The following SDK1 variants were observed in gnomAD, a reference collection of about 807,000 sequenced individuals.
The protein encoded by SDK1 is protein sidekick-1.
In SDK1, 157 loss-of-function variants were observed where a neutral mutation model predicts 245.5. The ratio of observed to expected loss-of-function variants is 0.64; its 90% CI spans 0.56 to 0.73. The LOEUF is 0.73. Among genes scored for constraint, SDK1 ranks in the 30% least tolerant of loss-of-function variants. The pLI, the probability that SDK1 is intolerant of heterozygous loss-of-function variation, is 0.00. For missense variants in SDK1, 3,583 were observed against 3,002.3 expected (o/e 1.19, Z -4.52); for synonymous variants, 1,647 against 1,278.5 (o/e 1.29, Z -6.15).
intron 32 of SDK1, among the ~76,000 whole-genome samples, chr7:4,170,277 T>C (rs1338654172): frequency 6.6e-6 from 1 of 152,072 alleles, no homozygotes; most frequent in East Asian, 1.9e-4. Context: ...TGAGACGTCA[T>C]CTCTACAGAA....
At chr7:3,528,414 G>T (rs1783225138) in intron 1 of SDK1, among the ~76,000 whole-genome samples, 1 of 151,982 alleles carries the variant, frequency 6.6e-6, no homozygotes, top group African/African-American at 2.4e-5. Context: ...AAAGGTAGCA[G>T]AAGTGATCCA....
At chr7:3,495,017 T>C (rs1781981423) in intron 1 of SDK1, among the ~76,000 whole-genome samples, 1 of 152,216 alleles carries the variant, frequency 6.6e-6, no homozygotes, top group Admixed American at 6.5e-5. Flanking sequence ...AACCTGGTGT[T>C]GATTCCTTCA....
At chr7:3,390,264 G>T (rs1457916780) in intron 1 of SDK1, among the ~76,000 whole-genome samples, 1 of 152,168 alleles carries the variant, frequency 6.6e-6, no homozygotes, top group Non-Finnish European at 1.5e-5. Flanking sequence ...ACTTTGAATA[G>T]CAGGGTTGTA....
At chr7:3,648,816 C>A (rs533108665) in intron 4 of SDK1, among the ~76,000 whole-genome samples, 1 of 152,134 alleles carries the variant, frequency 6.6e-6, no homozygotes, top group African/African-American at 2.4e-5. Flanking sequence ...CGAGTAGATA[C>A]GGGTTCCAGG....
chr7:3,839,142 G>A (rs959585896), intron 5 of SDK1, among the ~76,000 whole-genome samples: 2 of 152,206 alleles, frequency 1.3e-5, no homozygotes, highest in Admixed American at 6.5e-5. Context: ...ACACGCCTGG[G>A]GTCTTCCCTC....
At chr7:3,662,038 T>C (rs74637338) in intron 4 of SDK1, among the ~76,000 whole-genome samples, 23,185 of 116,172 alleles carry the variant, frequency 0.2, 2,291 homozygotes, top group Admixed American at 0.27. Context: ...AGGCAACGGT[T>C]GTATTTTTTT....
intron 4 of SDK1, among the ~76,000 whole-genome samples, chr7:3,674,382 C>T (rs1783822580): frequency 6.6e-6 from 1 of 152,056 alleles, no homozygotes; most frequent in South Asian, 2.1e-4. Context: ...GAGAGGGCTG[C>T]TAGGGCATGA....
chr7:3,575,386 C>T (rs1166094292), intron 1 of SDK1, among the ~76,000 whole-genome samples: 2 of 152,004 alleles, frequency 1.3e-5, no homozygotes, highest in Admixed American at 6.6e-5. Flanking sequence ...CCCAAAGGTC[C>T]TATCTCCAAA....
chr7:4,133,252 G>C (rs1292509452), intron 28 of SDK1, among the ~76,000 whole-genome samples: 1 of 152,172 alleles, frequency 6.6e-6, no homozygotes, highest in Non-Finnish European at 1.5e-5. Context: ...CAGATGAAAA[G>C]CCTGAATTTT....
At chr7:3,941,913 T>TC (rs1780383256) in intron 5 of SDK1, among the ~76,000 whole-genome samples, 2 of 150,304 alleles carry the variant, frequency 1.3e-5, no homozygotes, top group South Asian at 4.2e-4. Context: ...CATTCTTTTT[T>TC]TTTTTTTTTT....
intron 1 of SDK1, among the ~76,000 whole-genome samples, chr7:3,364,665 C>G (rs1026040029): frequency 1.3e-5 from 2 of 152,136 alleles, no homozygotes; most frequent in African/African-American, 4.8e-5. Context: ...AATATATTGT[C>G]TTGATTACTA....
At chr7:4,088,115 A>G (rs1277495839) in intron 22 of SDK1, among the ~76,000 whole-genome samples, 3 of 152,210 alleles carry the variant, frequency 2.0e-5, no homozygotes, top group Non-Finnish European at 4.4e-5. Flanking sequence ...CAGCCAAGCC[A>G]TGAAGCCGGA....
At chr7:3,798,718 C>T (rs1241912586) in intron 4 of SDK1, among the ~76,000 whole-genome samples, 3 of 152,158 alleles carry the variant, frequency 2.0e-5, no homozygotes, top group South Asian at 2.1e-4. Context: ...ACATTCTGTT[C>T]TTAGAAGCAA....
intron 2 of SDK1, among the ~76,000 whole-genome samples, chr7:3,631,606 G>A (rs2128648263): frequency 6.6e-6 from 1 of 152,276 alleles, no homozygotes; most frequent in Admixed American, 6.5e-5. Context: ...TCCCCACAAA[G>A]TTGAGTGTTT....
intron 40 of SDK1, among the ~76,000 whole-genome samples, chr7:4,229,520 A>G (rs1481242803): frequency 6.6e-6 from 1 of 152,196 alleles, no homozygotes; most frequent in Non-Finnish European, 1.5e-5. Flanking sequence ...TCCTGGAGCT[A>G]TGACAGAGTG....
chr7:3,646,532 C>T (rs910219101), intron 4 of SDK1, among the ~76,000 whole-genome samples: 3 of 152,182 alleles, frequency 2.0e-5, no homozygotes, highest in Non-Finnish European at 4.4e-5. Context: ...TGTTAAATTA[C>T]TTACCCCAGG....
intron 4 of SDK1, among the ~76,000 whole-genome samples, chr7:3,670,115 C>G (rs1783651666): frequency 6.6e-6 from 1 of 152,214 alleles, no homozygotes; most frequent in South Asian, 2.1e-4. Flanking sequence ...TTTCATTGGT[C>G]TCTACCTTGT....
At chr7:4,182,629 G>T (rs1330879232) in intron 35 of SDK1, among the ~76,000 whole-genome samples, 2 of 152,188 alleles carry the variant, frequency 1.3e-5, no homozygotes, top group Non-Finnish European at 2.9e-5. Context: ...GGAGAGGAGG[G>T]AGAAGGAACC....
chr7:3,806,409 T>C (rs1779248794), intron 4 of SDK1, among the ~76,000 whole-genome samples: 1 of 149,502 alleles, frequency 6.7e-6, no homozygotes, highest in Non-Finnish European at 1.5e-5. Flanking sequence ...GGGGCCCTTA[T>C]TCGGCCCACC....
Sources: gnomAD v4.1 joint callset for allele counts (sites outside exome capture counted in the v4.1 genomes callset) on GRCh38, gnomAD v4.1.1 for gene constraint, MANE v1.5 for transcripts, NCBI Gene and HGNC (gene_info 2026-07-23, HGNC 2026-07-21) for gene names.